The following PTCD3 variants were observed in gnomAD, a reference collection of about 807,000 sequenced individuals.
The protein encoded by PTCD3 is small ribosomal subunit protein mS39.
PTCD3 carries 89 observed loss-of-function variants against 101.9 expected under a neutral mutation model. The observed-to-expected ratio is 0.87, with a 90% CI of 0.74 to 1.04. The LOEUF is 1.04. Among genes scored for constraint, PTCD3 ranks in the 50% least tolerant of loss-of-function variants. The pLI, the probability that PTCD3 is intolerant of heterozygous loss-of-function variation, is 0.00. For missense variants in PTCD3, 870 were observed against 828.2 expected, an observed-to-expected ratio of 1.05 and a Z score of -0.62; for synonymous variants, 296 against 278.5, an observed-to-expected ratio of 1.06 and a Z score of -0.63.
chr2:86,108,619 G>A (rs1162582634), intron 3 of PTCD3, 83 bp downstream of exon 3: 2 of 1,319,802 alleles, frequency 1.5e-6, no homozygotes, highest in East Asian at 2.4e-5. Context: ...AGGAGACAGT[G>A]ACAGGAAGAG....
At chr2:86,126,183 TC>T (rs1318964117) in intron 12 of PTCD3, among the ~76,000 whole-genome samples, 1 of 141,340 alleles carries the variant, frequency 7.1e-6, no homozygotes, top group African/African-American at 2.6e-5. Flanking sequence ...TGAGCAGAGA[TC>T]GCACCACTGC....
chr2:86,114,380 T>C (rs1674143929), intron 4 of PTCD3, among the ~76,000 whole-genome samples: 1 of 152,088 alleles, frequency 6.6e-6, no homozygotes, highest in South Asian at 2.1e-4. Flanking sequence ...CTCTGCCTCC[T>C]GGGCTCACGC....
At chr2:86,133,540 G>C (rs1674529685) in intron 19 of PTCD3, 104 bp downstream of exon 19, 17 of 1,127,738 alleles carry the variant, frequency 1.5e-5, no homozygotes, top group African/African-American at 3.1e-5. Flanking sequence ...CTTCCATTTT[G>C]ACTGAACCAA....
At chr2:86,116,427 C>G in intron 4 of PTCD3, 103 bp from the exon 5 acceptor site, 4 of 963,466 alleles carry the variant, frequency 4.2e-6, no homozygotes, top group Non-Finnish European at 6.5e-6. Flanking sequence ...GCCTAGGCTA[C>G]TTGGGAGGCT....
intron 6 of PTCD3, among the ~76,000 whole-genome samples, chr2:86,118,335 C>G (rs1186455934): frequency 2.0e-5 from 3 of 152,072 alleles, no homozygotes; most frequent in Non-Finnish European, 4.4e-5. Flanking sequence ...AAAACAGATG[C>G]GCCTCTGCCC....
intron 5 of PTCD3, 67 bp downstream of exon 5, chr2:86,116,665 A>C: frequency 8.3e-7 from 1 of 1,199,234 alleles, no homozygotes; most frequent in East Asian, 2.4e-5. Context: ...TACATAAATA[A>C]TTTAGTTGTA....
At chr2:86,120,343 A>C (rs1346477437) in intron 7 of PTCD3, among the ~76,000 whole-genome samples, 3 of 152,300 alleles carry the variant, frequency 2.0e-5, no homozygotes, top group African/African-American at 7.2e-5. Context: ...AGAACATTTC[A>C]TTGTCAGGCC....
chr2:86,134,937 C>G lies in PTCD3; in HGVS notation c.1728C>G (p.Leu576=). ...QTAQDWPATS[L]NCIAILFLRA... ...CTCAGGATTGGCCAGCCACCTCTCT[C>G]AACTGTATAGCTATCCTCTTTTTAA... The change falls in exon 21 of 24, where the codon CTC becomes CTG. Residue 576 remains leucine, a synonymous_variant. Coordinates refer to ENST00000254630, the MANE Select transcript of PTCD3 (RefSeq NM_017952.6). The G allele has an allele frequency of 1.2e-6, 2 of 1,614,162 alleles. No homozygotes were observed. The highest frequency in any genetic ancestry group is 2.2e-5 in the East Asian group (1 of 44,882).
chr2:86,124,518 G>C (rs143956612), intron 9 of PTCD3, among the ~76,000 whole-genome samples: 1 of 152,128 alleles, frequency 6.6e-6, no homozygotes, highest in Non-Finnish European at 1.5e-5. Context: ...CCAGCTACTC[G>C]AGAGGTGGAG....
Position 86,111,132 on chromosome 2 carries a change from C to T in PTCD3, c.214C>T (p.Gln72Ter). 6.2e-7 allele frequency: 1 copy of T among 1,613,702 alleles called. No homozygotes were observed. The highest frequency in any genetic ancestry group is 8.5e-7 in the Non-Finnish European group (1 of 1,179,648). ...TTTTAGGGATAAAGTAGCCGTTCTT[C>T]AGGCACTTGCATCCACAGTAAACAG... ...KKTWDKVAVL[Q>*]ALASTVNRDT... Residue 72 changes from glutamine (Q) to a stop codon, truncating the protein, a stop_gained, in exon 4 of 24, where the codon CAG becomes TAG. Coordinates refer to ENST00000254630, the MANE Select transcript of PTCD3 (RefSeq NM_017952.6). LOFTEE classifies it high-confidence loss of function.
chr2:86,128,262 ATT>A (rs35529284), intron 14 of PTCD3, among the ~76,000 whole-genome samples: 12 of 132,966 alleles, frequency 9.0e-5, no homozygotes, highest in Admixed American at 3.1e-4. Flanking sequence ...TGCCTAGCTG[ATT>A]TTTTTTTTTT....
At chr2:86,125,629 C>T (rs1252986900) in intron 11 of PTCD3, 114 bp downstream of exon 11, 32 of 1,185,974 alleles carry the variant, frequency 2.7e-5, no homozygotes, top group East Asian at 9.5e-5. Context: ...TTTCCTGAGG[C>T]GTAGATGATT....
intron 12 of PTCD3, 30 bp downstream of exon 12, chr2:86,125,910 A>T (rs1197432914): frequency 6.9e-7 from 1 of 1,454,752 alleles, no homozygotes; most frequent in African/African-American, 1.4e-5. Flanking sequence ...TTATTTTTTA[A>T]TAGGGCTTAA....
chr2:86,133,949 G>GTA (rs1240640783), intron 19 of PTCD3, among the ~76,000 whole-genome samples: 1 of 152,234 alleles, frequency 6.6e-6, no homozygotes, highest in Non-Finnish European at 1.5e-5. Flanking sequence ...CATAAAGTCA[G>GTA]TAGGCTCTAG....
At position 86,127,969 on chromosome 2, in the gene PTCD3, T is replaced by C; in HGVS notation, c.1125T>C (p.Ile375=). ...IEPSLATYHH[I]IRLFDQPGDP... is the part of the protein sequence containing the mutation. ...CCTCGCTTGCAACATATCACCATAT[T>C]ATTCGCCTGTTTGATCAACCTGGTA... Residue 375 remains isoleucine, a synonymous_variant, in exon 14 of 24, where the codon ATT becomes ATC. Coordinates refer to ENST00000254630, the MANE Select transcript of PTCD3 (RefSeq NM_017952.6). The C allele has an allele frequency of 1.2e-6, 2 of 1,610,652 alleles. No individual in the cohort carries two copies. Among genetic ancestry groups the C allele is most frequent in the Non-Finnish European group, 1.7e-6 (2 of 1,176,928 alleles).
Position 86,132,574 on chromosome 2 carries a change from C to G in PTCD3, c.1373+150C>G, listed in dbSNP as rs369192937. ...TTAATTGAGCACTTAGGAATTAAAG[C>G]AGTGGTAAAACTGCCAGATTTGAAA... On this transcript the variant is annotated intron_variant, in intron 17 of 23. Coordinates refer to ENST00000254630, the MANE Select transcript of PTCD3 (RefSeq NM_017952.6). 71 of 509,624 alleles carry G rather than the reference C, an allele frequency of 1.4e-4. No individual in the cohort carries two copies. The African/African-American group carries it at 1.4e-3, about 10-fold the overall frequency. The allele number at this position is 509,624 out of a possible 1,614,324, so 31.6% of individuals were successfully genotyped here. A position where few individuals can be genotyped will look rare whatever the true frequency, so the allele number is the denominator to read the frequency against.
intron 1 of PTCD3, 85 bp downstream of exon 1, chr2:86,106,436 G>A: frequency 7.1e-7 from 1 of 1,402,264 alleles, no homozygotes; most frequent in Non-Finnish European, 9.9e-7. Flanking sequence ...AAGTAGGCAC[G>A]ATGAAATGGT....
intron 23 of PTCD3, 114 bp downstream of exon 23, chr2:86,137,254 T>TA (rs1281808610): frequency 7.4e-7 from 1 of 1,359,038 alleles, no homozygotes; most frequent in Non-Finnish European, 9.9e-7. Context: ...AGTCAGAATG[T>TA]AGTAATTTAA....
At chr2:86,107,608 A>T (rs1266067872) in intron 1 of PTCD3, among the ~76,000 whole-genome samples, 1 of 152,212 alleles carries the variant, frequency 6.6e-6, no homozygotes, top group Non-Finnish European at 1.5e-5. Flanking sequence ...TCATGGGCCA[A>T]TGATTCTATA....
Sources: allele counts gnomAD v4.1 joint callset (sites outside exome capture counted in the v4.1 genomes callset), GRCh38; gene constraint gnomAD v4.1.1; transcripts MANE v1.5; gene names NCBI Gene and HGNC (gene_info 2026-07-23, HGNC 2026-07-21).